MAN1C1: variants seen among roughly 807,000 people sequenced by gnomAD.
MAN1C1 encodes the protein mannosidase alpha class 1C member 1.
A neutral mutation model predicts 71.5 loss-of-function variants in MAN1C1; 49 were observed. The ratio of observed to expected loss-of-function variants is 0.69; its 90% CI spans 0.54 to 0.87. MAN1C1 has a LOEUF of 0.87. MAN1C1 is among the 40% of genes least tolerant of loss of function. The pLI, the probability that MAN1C1 is intolerant of heterozygous loss-of-function variation, is 0.00. For missense variants in MAN1C1, 743 were observed against 835.0 expected, an observed-to-expected ratio of 0.89 and a Z score of 1.36; for synonymous variants, 352 against 343.7, an observed-to-expected ratio of 1.02 and a Z score of -0.27.
chr1:25,683,840 C>T (rs967404341), intron 1 of MAN1C1, among the ~76,000 whole-genome samples: 2 of 152,100 alleles, frequency 1.3e-5, no homozygotes, highest in East Asian at 1.9e-4. Flanking sequence ...CACCCATGGC[C>T]GGAGTCGGGA....
At chr1:25,768,066 C>T (rs1326004726) in intron 7 of MAN1C1, among the ~76,000 whole-genome samples, 4 of 38,854 alleles carry the variant, frequency 1.0e-4, no homozygotes, top group Non-Finnish European at 1.5e-4. Context: ...CCCTCACACA[C>T]ACACACACTC....
intron 2 of MAN1C1, among the ~76,000 whole-genome samples, chr1:25,729,852 G>A (rs182828192): frequency 2.2e-3 from 341 of 152,226 alleles, no homozygotes; most frequent in Non-Finnish European, 4.3e-3. Context: ...TCTGTGAGGA[G>A]TGTGTGTGAG....
At position 25,740,658 on chromosome 1, in the gene MAN1C1, G is replaced by C. The variant is rs150793790; in HGVS notation, c.638-6010G>C. Among the ~76,000 whole-genome samples the C allele has an allele frequency of 4.6e-5, 7 of 152,070 alleles. No individual in the cohort carries two copies. The East Asian group carries it at 9.7e-4, about 21-fold the overall frequency. On this transcript the variant is annotated intron_variant, in intron 2 of 11. Coordinates refer to ENST00000374332, the MANE Select transcript of MAN1C1 (RefSeq NM_020379.4). ...TCACTGTGTTAGCCAGGATGGTCTC[G>C]ATCTCCTGACCTCGTGATCCACCCG...
chr1:25,626,916 C>T (rs1487743522), intron 1 of MAN1C1, among the ~76,000 whole-genome samples: 6 of 151,998 alleles, frequency 3.9e-5, no homozygotes, highest in African/African-American at 1.5e-4. Context: ...CAGTATTTTC[C>T]TTTTGATGAG....
intron 1 of MAN1C1, among the ~76,000 whole-genome samples, chr1:25,664,832 G>T (rs1392698267): frequency 2.0e-5 from 3 of 152,240 alleles, no homozygotes; most frequent in African/African-American, 4.8e-5. Flanking sequence ...ATTATCTCAC[G>T]ATTGGACATG....
intron 2 of MAN1C1, among the ~76,000 whole-genome samples, chr1:25,729,616 A>G (rs1234134884): frequency 1.3e-5 from 2 of 151,822 alleles, no homozygotes; most frequent in African/African-American, 2.4e-5. Context: ...GGTTCAAGCA[A>G]TTCTCCTGCC....
chr1:25,639,957 C>T (rs1290882781), intron 1 of MAN1C1, among the ~76,000 whole-genome samples: 3 of 152,200 alleles, frequency 2.0e-5, no homozygotes, highest in African/African-American at 7.2e-5. Context: ...GTTTGAATTT[C>T]AGTATATTAT....
chr1:25,738,280 C>T (rs1054875784), intron 2 of MAN1C1, among the ~76,000 whole-genome samples: 1 of 152,034 alleles, frequency 6.6e-6, no homozygotes, highest in African/African-American at 2.4e-5. Context: ...AATTAAAACA[C>T]GACACACGAG....
At chr1:25,622,158 T>C (rs1001476488) in intron 1 of MAN1C1, among the ~76,000 whole-genome samples, 1 of 152,182 alleles carries the variant, frequency 6.6e-6, no homozygotes, top group Non-Finnish European at 1.5e-5. Flanking sequence ...GTGGATTGAA[T>C]TTCCCCACCT....
At chr1:25,657,179 C>G (rs1288801254) in intron 1 of MAN1C1, among the ~76,000 whole-genome samples, 1 of 152,178 alleles carries the variant, frequency 6.6e-6, no homozygotes, top group East Asian at 1.9e-4. Flanking sequence ...GGGCCCTCAG[C>G]CTTCTAAGGA....
At chr1:25,630,778 AATTT>A (rs777364409) in intron 1 of MAN1C1, among the ~76,000 whole-genome samples, 1 of 152,134 alleles carries the variant, frequency 6.6e-6, no homozygotes, top group African/African-American at 2.4e-5. Flanking sequence ...GACTTTAATG[AATTT>A]ATTTATCAAA....
chr1:25,692,000 C>T (rs1443974920), intron 2 of MAN1C1, among the ~76,000 whole-genome samples: 1 of 152,176 alleles, frequency 6.6e-6, no homozygotes. Flanking sequence ...GCACAGAGTC[C>T]TGGAATGTCA....
Position 25,782,649 on chromosome 1 carries a change from C to A in MAN1C1, c.1715C>A (p.Thr572Asn), listed in dbSNP as rs1169808194. The change falls in exon 11 of 12, where the codon ACC (threonine) becomes AAC (asparagine). Residue 572 changes from threonine (T) to asparagine (N), a missense_variant. Coordinates refer to ENST00000374332, the MANE Select transcript of MAN1C1 (RefSeq NM_020379.4). The surrounding 1 kb of genome is among the most constrained non-coding windows in gnomAD (Gnocchi z 4.4). Reference protein sequence around the residue: ...FSGIQDVYSSTPNHDNKQQSF... With the variant: ...FSGIQDVYSSNPNHDNKQQSF... The stretch of plus-strand genomic sequence containing the variant: ...GGGATCCAAGACGTGTACAGTAGCA[C>A]CCCCAACCACGACAACAAGCAGCAG... 7.4e-6 allele frequency: 12 copies of A among 1,613,930 alleles called. No homozygotes were observed. Among genetic ancestry groups the A allele is most frequent in the African/African-American group, 1.3e-5 (1 of 74,896 alleles).
intron 2 of MAN1C1, among the ~76,000 whole-genome samples, chr1:25,732,314 C>A (rs2046920011): frequency 6.6e-6 from 1 of 152,154 alleles, no homozygotes; most frequent in Non-Finnish European, 1.5e-5. Flanking sequence ...GCCCAGTCTC[C>A]CAAGTTGTGC....
chr1:25,639,876 T>G (rs1313682107), intron 1 of MAN1C1, among the ~76,000 whole-genome samples: 2 of 152,350 alleles, frequency 1.3e-5, no homozygotes, highest in East Asian at 1.9e-4. Flanking sequence ...TGTGTATTTT[T>G]TGCTCATCTG....
chr1:25,680,450 C>T (rs1439485057), intron 1 of MAN1C1, among the ~76,000 whole-genome samples: 2 of 152,188 alleles, frequency 1.3e-5, no homozygotes, highest in African/African-American at 4.8e-5. Context: ...ACCCCATGCC[C>T]ATGAACAGTC....
chr1:25,720,506 C>T (rs2124274274), intron 2 of MAN1C1, among the ~76,000 whole-genome samples: 1 of 152,320 alleles, frequency 6.6e-6, no homozygotes, highest in South Asian at 2.1e-4. Context: ...CCACCACACC[C>T]AGCTGCCCAT....
In MAN1C1 at chr1:25,784,047, TCCAGGG is replaced by T. The variant is rs766847500; in HGVS notation, c.*262_*267del. 17 of 408,472 alleles carry T rather than the reference TCCAGGG, an allele frequency of 4.2e-5. No homozygotes were observed. Among genetic ancestry groups the T allele is most frequent in the Non-Finnish European group, 6.6e-5 (15 of 228,694 alleles). 25.3% of individuals were successfully genotyped at this position (408,472 alleles called of 1,614,324 possible). On this transcript the variant is annotated 3_prime_UTR_variant, in exon 12 of 12. Transcript: ENST00000374332. The stretch of plus-strand genomic sequence containing the variant: ...TCTATGAAGCCCACTCACTTGCCAT[TCCAGGG>T]CCAAAGGACCGGAGGTTTGCATATC...
intron 2 of MAN1C1, among the ~76,000 whole-genome samples, chr1:25,709,252 A>G (rs2046569584): frequency 6.6e-6 from 1 of 152,186 alleles, no homozygotes; most frequent in African/African-American, 2.4e-5. Context: ...CAGAGACCTG[A>G]TGCAGAACAC....
Sources: allele counts gnomAD v4.1 joint callset (sites outside exome capture counted in the v4.1 genomes callset), GRCh38; gene constraint gnomAD v4.1.1; non-coding constraint Gnocchi (gnomAD v3.1); transcripts MANE v1.5; gene names NCBI Gene and HGNC (gene_info 2026-07-23, HGNC 2026-07-21).